Variants in DOCK9 observed in about 807,000 individuals in gnomAD.
DOCK9 encodes dedicator of cytokinesis protein 9.
Under a neutral mutation model 263.3 loss-of-function variants are expected in DOCK9, and 89 were observed. The observed-to-expected ratio is 0.34, with a 90% CI of 0.28 to 0.40. DOCK9 has a LOEUF of 0.40. Ranked by LOEUF, DOCK9 falls within the 10% of genes least tolerant of loss-of-function variation. DOCK9 has a pLI of 1.00. For synonymous variants in DOCK9, 976 were observed against 973.1 expected (o/e 1.00, Z -0.06); for missense variants, 2,140 against 2,603.4 (o/e 0.82, Z 3.87).
At chr13:98,862,547 G>C (rs1033043016) in intron 32 of DOCK9, among the ~76,000 whole-genome samples, 22 of 152,236 alleles carry the variant, frequency 1.4e-4, no homozygotes, top group African/African-American at 4.8e-4. Context: ...AAATTGGCCG[G>C]ATGTGGTGGT....
chr13:98,804,335 AC>A (rs1391563133), intron 49 of DOCK9, among the ~76,000 whole-genome samples: 1 of 152,054 alleles, frequency 6.6e-6, no homozygotes, highest in Non-Finnish European at 1.5e-5. Context: ...GGTAAAAATC[AC>A]CCCAGGATGA....
At chr13:99,002,574 C>T (rs1366166209) in intron 1 of DOCK9, among the ~76,000 whole-genome samples, 2 of 152,242 alleles carry the variant, frequency 1.3e-5, no homozygotes, top group Non-Finnish European at 2.9e-5. Context: ...CCTTTGGTTG[C>T]TCATGGAATT....
intron 1 of DOCK9, among the ~76,000 whole-genome samples, chr13:99,005,167 C>G (rs1883106369): frequency 6.6e-6 from 1 of 152,014 alleles, no homozygotes; most frequent in African/African-American, 2.4e-5. Context: ...AGAGAGTCCA[C>G]ATAAAGACAA....
At chr13:98,813,646 T>C (rs1303943459) in intron 45 of DOCK9, among the ~76,000 whole-genome samples, 1 of 152,096 alleles carries the variant, frequency 6.6e-6, no homozygotes, top group East Asian at 1.9e-4. Context: ...ATTTTAATTT[T>C]TTTATTTTTT....
At chr13:99,050,477 G>A (rs1489022559) in intron 1 of DOCK9, among the ~76,000 whole-genome samples, 6 of 152,032 alleles carry the variant, frequency 3.9e-5, no homozygotes, top group African/African-American at 1.4e-4. Flanking sequence ...GGTGGATCAC[G>A]AGGTCGGAGT....
intron 32 of DOCK9, among the ~76,000 whole-genome samples, chr13:98,861,993 C>T (rs1183192973): frequency 6.6e-6 from 1 of 152,168 alleles, no homozygotes; most frequent in South Asian, 2.1e-4. Context: ...CTGGGGCTAC[C>T]ATGACCTCTT....
intron 13 of DOCK9, among the ~76,000 whole-genome samples, chr13:98,899,612 T>C (rs1454420865): frequency 1.3e-5 from 2 of 152,202 alleles, no homozygotes; most frequent in African/African-American, 2.4e-5. Flanking sequence ...GTATGAGTTA[T>C]AGGGTACAAT....
intron 30 of DOCK9, 99 bp from the exon 31 acceptor site, chr13:98,863,647 T>C: frequency 7.9e-7 from 1 of 1,273,512 alleles, no homozygotes; most frequent in Non-Finnish European, 1.1e-6. Flanking sequence ...ACCCATCCTC[T>C]GCATTCAGCC....
intron 27 of DOCK9, among the ~76,000 whole-genome samples, chr13:98,876,638 T>C (rs2043900062): frequency 6.6e-6 from 1 of 152,160 alleles, no homozygotes; most frequent in South Asian, 2.1e-4. Context: ...ATAAAATTCT[T>C]CAGATGTAAA....
intron 1 of DOCK9, among the ~76,000 whole-genome samples, chr13:99,074,889 T>C (rs1031590724): frequency 5.9e-5 from 9 of 152,166 alleles, no homozygotes; most frequent in South Asian, 2.1e-4. Context: ...ATAGGGATGA[T>C]TGGTGTCACA....
At chr13:98,887,152 T>A (rs1435829805) in intron 18 of DOCK9, among the ~76,000 whole-genome samples, 555 of 42,570 alleles carry the variant, frequency 0.013, 2 homozygotes, top group African/African-American at 0.027. Flanking sequence ...TATTTTTTTT[T>A]TTTTTTTTTT....
intron 45 of DOCK9, among the ~76,000 whole-genome samples, chr13:98,822,041 A>C (rs1262205237): frequency 2.0e-5 from 3 of 152,166 alleles, no homozygotes; most frequent in Non-Finnish European, 2.9e-5. Context: ...CTTTTAGAAC[A>C]TGTTAGTCTT....
At chr13:98,939,623 C>T (rs981425180) in intron 2 of DOCK9, among the ~76,000 whole-genome samples, 4 of 152,180 alleles carry the variant, frequency 2.6e-5, no homozygotes, top group East Asian at 3.8e-4. Flanking sequence ...GCTCAGGAGA[C>T]GGACGGACCT....
chr13:98,990,582 A>C (rs9513528), intron 1 of DOCK9, among the ~76,000 whole-genome samples: 22,647 of 152,234 alleles, frequency 0.15, 2,427 homozygotes, highest in East Asian at 0.43. Context: ...ATTGCAAGAG[A>C]CTTAAGGCGA....
chr13:98,839,499 G>A (rs1157608111), intron 38 of DOCK9, among the ~76,000 whole-genome samples: 1 of 152,238 alleles, frequency 6.6e-6, no homozygotes, highest in Non-Finnish European at 1.5e-5. Context: ...CAACCAAAAT[G>A]ATCATACAGG....
chr13:98,794,580 T>C lies in DOCK9; in HGVS notation c.*46A>G. ...ATTGGCTTTGGAAAGCATCCTGAGTTTGCAAATGACAAAGCAAGTCCCCAC... is the reference window on the plus strand; with the variant it reads ...ATTGGCTTTGGAAAGCATCCTGAGTCTGCAAATGACAAAGCAAGTCCCCAC... On this transcript the variant is annotated 3_prime_UTR_variant, in exon 53 of 53. Transcript: ENST00000682017. The C allele has an allele frequency of 2.6e-6, 4 of 1,547,826 alleles. No individual in the cohort carries two copies. Among genetic ancestry groups the C allele is most frequent in the Non-Finnish European group, 3.5e-6 (4 of 1,144,118 alleles).
intron 1 of DOCK9, among the ~76,000 whole-genome samples, chr13:99,081,950 C>T (rs1042678169): frequency 6.6e-6 from 1 of 152,086 alleles, no homozygotes; most frequent in Non-Finnish European, 1.5e-5. Context: ...ATAAAAGCAG[C>T]TTAGGGCTGG....
upstream of DOCK9, among the ~76,000 whole-genome samples, chr13:98,979,935 G>C (rs1450402519): frequency 6.6e-6 from 1 of 152,226 alleles, no homozygotes; most frequent in African/African-American, 2.4e-5. Context: ...GATGGTTCAG[G>C]AAGTTCTAAA....
At chr13:99,088,325 G>A (rs1349664497), upstream of DOCK9, 1 of 152,240 alleles carries the variant, frequency 6.6e-6, no homozygotes, top group African/African-American at 2.4e-5. Flanking sequence ...TGACAGAGCA[G>A]GTGCAAGCCG....
Sources: allele counts gnomAD v4.1 joint callset (sites outside exome capture counted in the v4.1 genomes callset), GRCh38; gene constraint gnomAD v4.1.1; transcripts MANE v1.5; gene names NCBI Gene and HGNC (gene_info 2026-07-23, HGNC 2026-07-21).